Variants in CDH23 observed in about 807,000 individuals in gnomAD.
The protein encoded by CDH23 is cadherin-23.
CDH23 carries 189 observed loss-of-function variants against 317.1 expected under a neutral mutation model. The ratio of observed to expected loss-of-function variants is 0.60; its 90% CI spans 0.53 to 0.67. CDH23 has a LOEUF of 0.67. Ranked by LOEUF, CDH23 falls within the 30% of genes least tolerant of loss-of-function variation. The pLI, the probability that CDH23 is intolerant of heterozygous loss-of-function variation, is 0.00. For synonymous variants in CDH23, 1,839 were observed against 1,876.8 expected (o/e 0.98, Z 0.52); for missense variants, 4,401 against 4,592.4 (o/e 0.96, Z 1.20).
chr10:71,618,586 C>G (rs1861309367), intron 11 of CDH23, among the ~76,000 whole-genome samples: 1 of 152,184 alleles, frequency 6.6e-6, no homozygotes, highest in African/African-American at 2.4e-5. Context: ...TGCTTCTCTT[C>G]GATTACTCCT....
intron 3 of CDH23, among the ~76,000 whole-genome samples, chr10:71,500,820 TCTTTC>T (rs748347749): frequency 8.0e-6 from 1 of 124,338 alleles, no homozygotes; most frequent in Non-Finnish European, 1.7e-5. Flanking sequence ...TTTTCTTTTC[TCTTTC>T]CTTTCCTTTC....
At chr10:71,666,767 T>C (rs1863916529) in intron 14 of CDH23, among the ~76,000 whole-genome samples, 1 of 152,154 alleles carries the variant, frequency 6.6e-6, no homozygotes, top group Non-Finnish European at 1.5e-5. Context: ...GCCTCTGGGC[T>C]ACCGGGTTCC....
chr10:71,530,131 G>T (rs1416324954), intron 6 of CDH23, among the ~76,000 whole-genome samples: 2 of 152,048 alleles, frequency 1.3e-5, no homozygotes, highest in African/African-American at 4.8e-5. Flanking sequence ...TGAGCTGAAT[G>T]GGTCCCATTA....
At chr10:71,590,903 A>AAAC (rs1859449678) in intron 9 of CDH23, among the ~76,000 whole-genome samples, 2 of 149,182 alleles carry the variant, frequency 1.3e-5, no homozygotes, top group African/African-American at 5.0e-5. Context: ...AAAACAAAAA[A>AAAC]AAACACCAGT....
chr10:71,446,962 A>C (rs544433263), intron 3 of CDH23, among the ~76,000 whole-genome samples: 2 of 152,294 alleles, frequency 1.3e-5, no homozygotes, highest in South Asian at 4.1e-4. Flanking sequence ...GCTGAATTGC[A>C]GGAGCTGTCT....
intron 9 of CDH23, among the ~76,000 whole-genome samples, chr10:71,601,448 G>T (rs573744150): frequency 2.0e-4 from 31 of 152,274 alleles, no homozygotes; most frequent in African/African-American, 5.8e-4. Flanking sequence ...TTAAAGAAAC[G>T]CAAGCCCAGA....
intron 11 of CDH23, among the ~76,000 whole-genome samples, chr10:71,619,483 G>T (rs1861361066): frequency 6.6e-6 from 1 of 152,204 alleles, no homozygotes; most frequent in Non-Finnish European, 1.5e-5. Context: ...ATGACTGTAT[G>T]AATGAGATGC....
At chr10:71,545,784 G>A (rs1282542556) in intron 6 of CDH23, among the ~76,000 whole-genome samples, 1 of 152,194 alleles carries the variant, frequency 6.6e-6, no homozygotes, top group East Asian at 1.9e-4. Context: ...TTTGTGGCCA[G>A]GGAGGGCCTC....
chr10:71,453,820 G>A (rs1385434856), intron 3 of CDH23, among the ~76,000 whole-genome samples: 1 of 152,246 alleles, frequency 6.6e-6, no homozygotes, highest in African/African-American at 2.4e-5. Flanking sequence ...GACGGGGATG[G>A]GAGGAGTCCA....
chr10:71,729,922 C>T (rs1393263572), intron 30 of CDH23, among the ~76,000 whole-genome samples: 1 of 151,962 alleles, frequency 6.6e-6, no homozygotes, highest in Non-Finnish European at 1.5e-5. Flanking sequence ...GCAACCTCTG[C>T]CTCCCGGGTT....
rs895884885 is a variant in CDH23, at chr10:71,439,722, C to T, written c.-5-105C>T. 25 of 785,432 alleles carry T rather than the reference C, an allele frequency of 3.2e-5. No homozygotes were observed. In the Admixed American group the frequency reaches 4.6e-4, roughly 14 times the overall value. The allele number at this position is 785,432 out of a possible 1,614,324, so 48.7% of individuals were successfully genotyped here. ...TGGGTTGATTCCTTCTCCTCCCTTC[C>T]CAGCCCCAGTTCTCTCTGGAGCTGC... On this transcript the variant is annotated intron_variant, in intron 1 of 69. Coordinates refer to ENST00000224721, the MANE Select transcript of CDH23 (RefSeq NM_022124.6).
At chr10:71,491,254 G>A (rs1004701967) in intron 3 of CDH23, among the ~76,000 whole-genome samples, 3 of 152,182 alleles carry the variant, frequency 2.0e-5, no homozygotes, top group Non-Finnish European at 4.4e-5. Flanking sequence ...ACTTTGCAGT[G>A]TGGCTGCATC....
chr10:71,532,726 TG>T (rs147490928), intron 6 of CDH23, among the ~76,000 whole-genome samples: 2,197 of 70,144 alleles, frequency 0.031, 34 homozygotes, highest in Non-Finnish European at 0.045. Flanking sequence ...TTTTTTTTTT[TG>T]TTTTTTTTTT....
chr10:71,736,180 T>G (rs1020098688), intron 34 of CDH23, among the ~76,000 whole-genome samples: 8 of 152,330 alleles, frequency 5.3e-5, no homozygotes, highest in African/African-American at 1.9e-4. Flanking sequence ...ATTTCCACAG[T>G]GCTTTGCCCT....
chr10:71,662,307 G>A (rs1489697416), intron 14 of CDH23, among the ~76,000 whole-genome samples: 1 of 152,120 alleles, frequency 6.6e-6, no homozygotes, highest in Non-Finnish European at 1.5e-5. Context: ...ACAGGCGTGG[G>A]GGGTGTCCTG....
At chr10:71,403,340 TTTCTTTCTTTC>T (rs1390561207) in intron 1 of CDH23, among the ~76,000 whole-genome samples, 1 of 53,266 alleles carries the variant, frequency 1.9e-5, no homozygotes, top group Non-Finnish European at 3.5e-5. Flanking sequence ...TCTTTCTTTC[TTTCTTTCTTTC>T]TTTCTTTCTT....
intron 1 of CDH23, among the ~76,000 whole-genome samples, chr10:71,402,885 GGT>G (rs1847849746): frequency 6.6e-6 from 1 of 152,202 alleles, no homozygotes; most frequent in Non-Finnish European, 1.5e-5. Flanking sequence ...GGGAGACTGA[GGT>G]GGGTGGATCA....
chr10:71,510,082 G>A lies in CDH23; in HGVS notation c.146G>A (p.Gly49Asp), dbSNP rs984522299. Residue 49 changes from glycine to aspartate, a missense_variant and splice_region_variant, in exon 4 of 70, where the codon GGT (glycine) becomes GAT (aspartate). Transcript: ENST00000224721. The stretch of plus-strand genomic sequence containing the variant: ...CTGCTCTCTCCCTTGGCTACTCCAG[G>A]TTCTTCTGTGACCCAGTTGCTGGCC... ...YLLISEDTPV[G>D]SSVTQLLAQD... 2 of 1,613,908 alleles carry A rather than the reference G, an allele frequency of 1.2e-6. No homozygotes were observed. Among genetic ancestry groups the A allele is most frequent in the Admixed American group, 1.7e-5 (1 of 60,012 alleles).
chr10:71,548,967 T>C (rs2132307958), intron 6 of CDH23, among the ~76,000 whole-genome samples: 1 of 152,326 alleles, frequency 6.6e-6, no homozygotes, highest in South Asian at 2.1e-4. Context: ...GTTCCACAAG[T>C]TTCAAGAGCA....
Sources: allele counts gnomAD v4.1 joint callset (sites outside exome capture counted in the v4.1 genomes callset), GRCh38; gene constraint gnomAD v4.1.1; transcripts MANE v1.5; gene names NCBI Gene and HGNC (gene_info 2026-07-23, HGNC 2026-07-21).